Variants in SLC16A7 observed in about 807,000 individuals in gnomAD.
The protein encoded by SLC16A7 is solute carrier family 16 member 7.
SLC16A7 carries 33 observed loss-of-function variants against 34.9 expected under a neutral mutation model. That is an observed-to-expected ratio of 0.94 (90% CI 0.72 to 1.26). SLC16A7 has a LOEUF of 1.26. Among genes scored for constraint, SLC16A7 ranks in the 50% most tolerant of loss-of-function variants. The probability of loss-of-function intolerance (pLI) is 0.00; values close to 1 mark genes in which losing one functional copy is unlikely to be tolerated. For missense variants in SLC16A7, 573 were observed against 578.1 expected (o/e 0.99, Z 0.09); for synonymous variants, 201 against 206.6 (o/e 0.97, Z 0.23).
rs1361413637 is a variant in SLC16A7, at chr12:59,781,656, C to A, written c.*1977C>A. 1 of 152,416 alleles carries A rather than the reference C, an allele frequency of 6.6e-6. No homozygotes were observed. Among genetic ancestry groups the A allele is most frequent in the Non-Finnish European group, 1.5e-5 (1 of 67,980 alleles). The allele number at this position is 152,416 out of a possible 1,614,324, so 9.4% of individuals were successfully genotyped here. Reference sequence around the variant, plus strand: ...TATGGCTGTTTTTAATTTAGTTTCACCCGATCTTGATTCTTGAATTAGCTA... The same window carrying A: ...TATGGCTGTTTTTAATTTAGTTTCAACCGATCTTGATTCTTGAATTAGCTA... On this transcript the variant is annotated 3_prime_UTR_variant, in exon 6 of 6. Transcript: ENST00000547379.
chr12:59,734,815 A>C (rs533194623), intron 3 of SLC16A7, among the ~76,000 whole-genome samples: 20 of 152,340 alleles, frequency 1.3e-4, no homozygotes, highest in African/African-American at 4.6e-4. Flanking sequence ...TGTTAAATTC[A>C]AAAAAATATA....
At chr12:59,770,715 A>G (rs748775673) in intron 3 of SLC16A7, among the ~76,000 whole-genome samples, 14 of 152,184 alleles carry the variant, frequency 9.2e-5, no homozygotes, top group Non-Finnish European at 1.8e-4. Flanking sequence ...GTGTCTTAGA[A>G]TCAATAAATT....
chr12:59,716,714 TG>T (rs1874949228), intron 3 of SLC16A7, among the ~76,000 whole-genome samples: 1 of 151,844 alleles, frequency 6.6e-6, no homozygotes, highest in South Asian at 2.1e-4. Flanking sequence ...TGGGGTATGG[TG>T]GTGTGTGCTG....
chr12:59,666,852 T>G (rs1253746037), intron 2 of SLC16A7, among the ~76,000 whole-genome samples: 2 of 152,124 alleles, frequency 1.3e-5, no homozygotes, highest in East Asian at 3.8e-4. Flanking sequence ...TAAAGATAAC[T>G]GAAAATATGG....
rs562474913 is a variant in SLC16A7, at chr12:59,611,326, C to T, written c.-130+15090C>T. Among the ~76,000 whole-genome samples the T allele has an allele frequency of 1.8e-3, 279 of 152,154 alleles. 1 individual carries two copies. Among genetic ancestry groups the T allele is most frequent in the African/African-American group, 2.6e-3 (109 of 41,502 alleles). ...GCAGGAGAGAGAAATGAGTGCTCAGCGAAGGGGGAAGCCACTTATGCAATC... is the reference window on the plus strand; with the variant it reads ...GCAGGAGAGAGAAATGAGTGCTCAGTGAAGGGGGAAGCCACTTATGCAATC... On this transcript the variant is annotated intron_variant, in intron 1 of 5. Transcript: ENST00000547379.
chr12:59,735,934 A>G, intron 3 of SLC16A7: 4 of 1,255,278 alleles, frequency 3.2e-6, no homozygotes, highest in Non-Finnish European at 4.1e-6. Flanking sequence ...TGATAGGAAA[A>G]AAGGAGAAGC....
chr12:59,750,073 A>G (rs567710551), intron 3 of SLC16A7, among the ~76,000 whole-genome samples: 45 of 152,334 alleles, frequency 3.0e-4, no homozygotes, highest in African/African-American at 1.0e-3. Context: ...CTCAAGGTGC[A>G]TTAAAGACTT....
intron 3 of SLC16A7, among the ~76,000 whole-genome samples, chr12:59,710,885 T>G (rs1461654068): frequency 2.6e-5 from 4 of 152,202 alleles, no homozygotes; most frequent in Non-Finnish European, 5.9e-5. Flanking sequence ...CCAGCTCAAC[T>G]AGCACCAGTA....
chr12:59,774,135 A>G (rs1192734466), intron 4 of SLC16A7, among the ~76,000 whole-genome samples: 1 of 152,144 alleles, frequency 6.6e-6, no homozygotes, highest in Non-Finnish European at 1.5e-5. Context: ...AATTTTTGTT[A>G]TTTGCATAGT....
chr12:59,641,141 A>G (rs1054433742), intron 1 of SLC16A7, among the ~76,000 whole-genome samples: 6 of 152,100 alleles, frequency 3.9e-5, no homozygotes, highest in African/African-American at 1.4e-4. Flanking sequence ...AGCACATACA[A>G]AGTAGTTACC....
intron 1 of SLC16A7, among the ~76,000 whole-genome samples, chr12:59,652,143 TA>T (rs1157036147): frequency 2.6e-5 from 4 of 152,066 alleles, no homozygotes; most frequent in African/African-American, 9.7e-5. Context: ...CTGTGGTTTC[TA>T]AAACAGTCTC....
intron 3 of SLC16A7, among the ~76,000 whole-genome samples, chr12:59,746,162 A>C (rs1363866592): frequency 2.0e-5 from 3 of 152,234 alleles, no homozygotes; most frequent in Non-Finnish European, 4.4e-5. Flanking sequence ...ACAAGGAGAA[A>C]AGAAATAACT....
intron 2 of SLC16A7, among the ~76,000 whole-genome samples, chr12:59,661,814 G>A (rs1251281222): frequency 6.6e-6 from 1 of 152,040 alleles, no homozygotes; most frequent in Non-Finnish European, 1.5e-5. Flanking sequence ...TTTGACTGAT[G>A]CCATCTTTCT....
chr12:59,712,094 A>G (rs1229517382), intron 3 of SLC16A7, among the ~76,000 whole-genome samples: 1 of 152,330 alleles, frequency 6.6e-6, no homozygotes, highest in South Asian at 2.1e-4. Flanking sequence ...GTGTATGTAT[A>G]ATGTACACTC....
intron 3 of SLC16A7, among the ~76,000 whole-genome samples, chr12:59,751,130 G>A (rs1376163747): frequency 6.6e-6 from 1 of 152,174 alleles, no homozygotes; most frequent in Non-Finnish European, 1.5e-5. Context: ...AGATTTGCTG[G>A]AGCCAAATAG....
At chr12:59,628,723 A>G (rs1379481474) in intron 1 of SLC16A7, among the ~76,000 whole-genome samples, 3 of 151,834 alleles carry the variant, frequency 2.0e-5, no homozygotes, top group Non-Finnish European at 4.4e-5. Flanking sequence ...AGGGCCTGGC[A>G]TATGAAAGGT....
intron 3 of SLC16A7, among the ~76,000 whole-genome samples, chr12:59,712,606 A>G (rs535884485): frequency 1.3e-5 from 2 of 152,214 alleles, no homozygotes; most frequent in Non-Finnish European, 2.9e-5. Context: ...TTCATTCAGA[A>G]ACTACTGATG....
At chr12:59,688,307 G>A (rs939094235) in intron 2 of SLC16A7, among the ~76,000 whole-genome samples, 2 of 152,078 alleles carry the variant, frequency 1.3e-5, no homozygotes, top group African/African-American at 4.8e-5. Flanking sequence ...TGGAGAAGGA[G>A]TGGCAATATG....
intron 3 of SLC16A7, among the ~76,000 whole-genome samples, chr12:59,705,676 G>T (rs1340201875): frequency 6.6e-6 from 1 of 151,966 alleles, no homozygotes; most frequent in Non-Finnish European, 1.5e-5. Context: ...TGGAATTATT[G>T]GTGCCTTATT....
Sources: gnomAD v4.1 joint callset for allele counts (sites outside exome capture counted in the v4.1 genomes callset) on GRCh38, gnomAD v4.1.1 for gene constraint, MANE v1.5 for transcripts, NCBI Gene and HGNC (gene_info 2026-07-23, HGNC 2026-07-21) for gene names.